ANKRD13A: variants seen among roughly 807,000 people sequenced by gnomAD.
ANKRD13A encodes ankyrin repeat domain 13A, also known as ankyrin repeat domain-containing protein 13A.
In ANKRD13A, 48 loss-of-function variants were observed where a neutral mutation model predicts 81.3. The observed-to-expected ratio is 0.59, with a 90% CI of 0.47 to 0.75. The LOEUF (loss-of-function observed/expected upper bound fraction) is 0.75, where lower values mean the gene tolerates loss of function less well. ANKRD13A is among the 30% of genes least tolerant of loss of function. ANKRD13A has a pLI of 0.00. For missense variants in ANKRD13A, 612 were observed against 734.0 expected, an observed-to-expected ratio of 0.83 and a Z score of 1.92; for synonymous variants, 230 against 270.1, an observed-to-expected ratio of 0.85 and a Z score of 1.45.
chr12:110,033,750 T>C, intron 12 of ANKRD13A, 47 bp from the exon 13 acceptor site: 1 of 1,464,904 alleles, frequency 6.8e-7, no homozygotes, highest in Non-Finnish European at 9.1e-7. Flanking sequence ...AAAGTTGGAG[T>C]GGAAATGTAA....
chr12:110,039,490 A>C lies in ANKRD13A; in HGVS notation c.*1936A>C, dbSNP rs1892246061. 2 of 152,182 alleles carry C rather than the reference A, an allele frequency of 1.3e-5. No individual in the cohort carries two copies. The highest frequency in any genetic ancestry group is 2.9e-5 in the Non-Finnish European group (2 of 68,038). 9.4% of individuals were successfully genotyped at this position (152,182 alleles called of 1,614,324 possible). On this transcript the variant is annotated 3_prime_UTR_variant, in exon 15 of 15. Transcript: ENST00000261739. The stretch of plus-strand genomic sequence containing the variant: ...TTTTCTAGTCACTGGATGTACCCAC[A>C]CTTCCTGTTACGTATGTCAGTAGAA...
chr12:110,005,970 C>T (rs1465789388), intron 1 of ANKRD13A, among the ~76,000 whole-genome samples: 1 of 152,092 alleles, frequency 6.6e-6, no homozygotes, highest in African/African-American at 2.4e-5. Context: ...GTGTGCACCA[C>T]CACGCCTGGC....
rs149402787 is a variant in ANKRD13A at position 110,016,626 on chromosome 12, G to A, written c.400+193G>A. On this transcript the variant is annotated intron_variant, in intron 4 of 14. Coordinates refer to ENST00000261739, the MANE Select transcript of ANKRD13A (RefSeq NM_033121.2). ...TTAATGCTTTGGGTGTTTTTCATCCGGTCTTCCCCGCCATGCATAGGACTT... is the reference window on the plus strand; with the variant it reads ...TTAATGCTTTGGGTGTTTTTCATCCAGTCTTCCCCGCCATGCATAGGACTT... 2.4e-3 allele frequency among the ~76,000 whole-genome samples: 358 copies of A among 152,046 alleles called. 1 individual carries two copies. The highest frequency in any genetic ancestry group is 8.5e-3 in the African/African-American group (351 of 41,476).
rs112537960 is a variant in ANKRD13A at position 110,037,387 on chromosome 12, A to G, written c.1606A>G (p.Thr536Ala). The G allele has an allele frequency of 1.9e-6, 3 of 1,614,180 alleles. No homozygotes were observed. The highest frequency in any genetic ancestry group is 1.7e-5 in the Admixed American group (1 of 60,024). Residue 536 changes from threonine to alanine, a missense_variant, in exon 15 of 15, where the codon ACA (threonine) becomes GCA (alanine). Transcript: ENST00000261739. ...RAIQESLLTS[T>A]EGLCPSALSE... Reference sequence around the variant, plus strand: ...CATCCAGGAGAGCCTCCTCACCAGCACAGAAGGCCTGTGCCCCAGCGCCCT... The same window carrying G: ...CATCCAGGAGAGCCTCCTCACCAGCGCAGAAGGCCTGTGCCCCAGCGCCCT...
intron 11 of ANKRD13A, 146 bp from the exon 12 acceptor site, chr12:110,030,499 G>A (rs1030293347): frequency 3.2e-5 from 12 of 376,198 alleles, no homozygotes; most frequent in African/African-American, 1.3e-4. Flanking sequence ...CAGTTTTCCC[G>A]TCTGTGTATT....
Position 110,018,469 on chromosome 12 carries a change from T to C in ANKRD13A, c.525T>C (p.Ser175=), listed in dbSNP as rs547795643. The change falls in exon 5 of 15, where the codon AGT becomes AGC. Residue 175 remains serine, a synonymous_variant. Coordinates refer to ENST00000261739, the MANE Select transcript of ANKRD13A (RefSeq NM_033121.2). The surrounding 1 kb of genome is among the most constrained non-coding windows in gnomAD (Gnocchi z 4.4). ...TGAGCTGGATAAGAGGGAGGCGTAG[T>C]TTTATATTTAAGGGAGAAGGTGAGT... ...ENMSWIRGRR[S]FIFKGEDNWA... The C allele has an allele frequency of 1.9e-5, 31 of 1,614,050 alleles. 2 individuals are homozygous for C. In the South Asian group the frequency reaches 3.4e-4, roughly 18 times the overall value.
At chr12:110,022,498 T>C (rs905699019) in intron 6 of ANKRD13A, 1 of 150,654 alleles carries the variant, frequency 6.6e-6, no homozygotes, top group Non-Finnish European at 1.5e-5. Flanking sequence ...AGAGGCAGGA[T>C]TGCCGAAGGA....
chr12:110,021,025 C>G lies in ANKRD13A; in HGVS notation c.734+1697C>G. The G allele has an allele frequency of 7.4e-6, 3 of 406,534 alleles. 1 individual carries two copies. The highest frequency in any genetic ancestry group is 5.1e-5 in the South Asian group (3 of 58,370). The allele number at this position is 406,534 out of a possible 1,614,324, so 25.2% of individuals were successfully genotyped here. A position where few individuals can be genotyped will look rare whatever the true frequency, so the allele number is the denominator to read the frequency against. On this transcript the variant is annotated intron_variant, in intron 6 of 14. Transcript: ENST00000261739. ...AGAGGGTGACAATTCCTGGCTGTTACCCCACTGAGTATAAATGGGAAATGA... is the reference window on the plus strand; with the variant it reads ...AGAGGGTGACAATTCCTGGCTGTTAGCCCACTGAGTATAAATGGGAAATGA...
At chr12:110,019,832 G>C (rs1279541327) in intron 6 of ANKRD13A, among the ~76,000 whole-genome samples, 1 of 152,204 alleles carries the variant, frequency 6.6e-6, no homozygotes, top group Non-Finnish European at 1.5e-5. Flanking sequence ...TTTAGAGCAA[G>C]AATCTGGAGG....
chr12:110,012,228 G>A (rs558093140), intron 2 of ANKRD13A, 91 bp downstream of exon 2: 11 of 1,412,988 alleles, frequency 7.8e-6, no homozygotes, highest in African/African-American at 4.3e-5. Context: ...AGCCAGGTGC[G>A]GTGGTGCATG....
chr12:110,009,217 G>A (rs1163941506), intron 1 of ANKRD13A, among the ~76,000 whole-genome samples: 1 of 152,078 alleles, frequency 6.6e-6, no homozygotes, highest in Non-Finnish European at 1.5e-5. Context: ...GAGTAGCTGG[G>A]GCTACAGGCA....
chr12:110,033,828 A>C lies in ANKRD13A; in HGVS notation c.1380A>C (p.Gln460His). The change falls in exon 13 of 15, where the codon CAA (glutamine) becomes CAC (histidine). Residue 460 changes from glutamine (Q) to histidine (H), a missense_variant. Physicochemically the swap from Gln to His is conservative, Grantham distance 24 (BLOSUM62 0). Coordinates refer to ENST00000261739, the MANE Select transcript of ANKRD13A (RefSeq NM_033121.2). Reference sequence around the variant, plus strand: ...ACATCACAAACTTTGAGGTTGATCAATCTGTGTTTGAAATTCCCGAATCTT... The same window carrying C: ...ACATCACAAACTTTGAGGTTGATCACTCTGTGTTTGAAATTCCCGAATCTT... ...ASHITNFEVDQSVFEIPESYY... is the reference protein window; with the variant it reads ...ASHITNFEVDHSVFEIPESYY... The C allele has an allele frequency of 6.2e-7, 1 of 1,608,906 alleles. No individual in the cohort carries two copies. Among genetic ancestry groups the C allele is most frequent in the Non-Finnish European group, 8.5e-7 (1 of 1,177,558 alleles).
At chr12:110,035,446 T>A (rs201849646) in intron 13 of ANKRD13A, among the ~76,000 whole-genome samples, 6 of 111,882 alleles carry the variant, frequency 5.4e-5, no homozygotes, top group South Asian at 5.4e-4. Flanking sequence ...ATCTACCAAA[T>A]TTTTTTTTTT....
chr12:110,011,899 G>A, intron 1 of ANKRD13A, 106 bp from the exon 2 acceptor site: 2 of 1,123,846 alleles, frequency 1.8e-6, no homozygotes, highest in South Asian at 1.8e-5. Flanking sequence ...TCTAATTAAT[G>A]CATAAATATG....
intron 1 of ANKRD13A, among the ~76,000 whole-genome samples, chr12:110,008,320 A>G (rs976809180): frequency 7.9e-5 from 12 of 152,140 alleles, no homozygotes; most frequent in African/African-American, 2.7e-4. Flanking sequence ...CTGAAGTTAT[A>G]CCATTCTTAT....
Position 110,018,239 on chromosome 12 carries a change from C to CGT in ANKRD13A, c.401-106_401-105insGT. The CGT allele has an allele frequency of 8.3e-7, 1 of 1,211,968 alleles. No individual in the cohort carries two copies. Among genetic ancestry groups the CGT allele is most frequent in the South Asian group, 1.6e-5 (1 of 60,990 alleles). 75.1% of individuals were successfully genotyped at this position (1,211,968 alleles called of 1,614,324 possible). A position where few individuals can be genotyped will look rare whatever the true frequency, so the allele number is the denominator to read the frequency against. ...AAGAAGTCCGTTGTTTGATGGTCAC[C>CGT]ATCTTGCCACTCCCCTCCTTTTATT... On this transcript the variant is annotated intron_variant, in intron 4 of 14. Coordinates refer to ENST00000261739, the MANE Select transcript of ANKRD13A (RefSeq NM_033121.2). This position sits in a 1 kb window ranked among gnomAD's most constrained non-coding sequence, Gnocchi z 4.4.
intron 3 of ANKRD13A, 135 bp downstream of exon 3, chr12:110,013,384 A>C: frequency 9.2e-7 from 1 of 1,089,818 alleles, no homozygotes. Context: ...AATACCAATC[A>C]CATTATTCCT....
intron 1 of ANKRD13A, among the ~76,000 whole-genome samples, chr12:110,001,497 T>C (rs1322479339): frequency 6.6e-6 from 1 of 151,614 alleles, no homozygotes; most frequent in Admixed American, 6.6e-5. Flanking sequence ...TTGAGTGCAG[T>C]GGCGCGATCT....
At chr12:110,009,609 A>G (rs57285442) in intron 1 of ANKRD13A, among the ~76,000 whole-genome samples, 1,881 of 151,974 alleles carry the variant, frequency 0.012, 43 homozygotes, top group African/African-American at 0.042. Flanking sequence ...TTATGCACTT[A>G]TTGTTTTAAA....
Sources: gnomAD v4.1 joint callset for allele counts (sites outside exome capture counted in the v4.1 genomes callset) on GRCh38, gnomAD v4.1.1 for gene constraint, Gnocchi (gnomAD v3.1) non-coding constraint, MANE v1.5 for transcripts, NCBI Gene and HGNC (gene_info 2026-07-23, HGNC 2026-07-21) for gene names.